Variants in TMEM232 observed in about 807,000 individuals in gnomAD.
TMEM232 encodes the protein transmembrane protein 232.
In TMEM232, 80 loss-of-function variants were observed where a neutral mutation model predicts 78.8. The ratio of observed to expected loss-of-function variants is 1.01; its 90% CI spans 0.85 to 1.22. The LOEUF (loss-of-function observed/expected upper bound fraction) is 1.22. TMEM232 is among the 50% of genes most tolerant of loss of function. The pLI is 0.00. For missense variants in TMEM232, 881 were observed against 742.2 expected (o/e 1.19, Z -2.17); for synonymous variants, 297 against 254.3 (o/e 1.17, Z -1.60).
chr5:110,583,796 T>A (rs1778473381), intron 10 of TMEM232, among the ~76,000 whole-genome samples: 1 of 151,598 alleles, frequency 6.6e-6, no homozygotes, highest in Non-Finnish European at 1.5e-5. Flanking sequence ...AAAATAAAAC[T>A]AATAACTTGA....
intron 3 of TMEM232, among the ~76,000 whole-genome samples, chr5:110,395,668 C>G (rs911624088): frequency 9.9e-5 from 15 of 152,122 alleles, no homozygotes; most frequent in African/African-American, 3.6e-4. Context: ...TTATAGCATT[C>G]TACATCCTGA....
chr5:110,452,450 T>G (rs1411078958), intron 12 of TMEM232, among the ~76,000 whole-genome samples: 2 of 152,160 alleles, frequency 1.3e-5, no homozygotes, highest in Non-Finnish European at 2.9e-5. Flanking sequence ...AACAGGTCGT[T>G]TGTTCTGTGT....
intron 11 of TMEM232, among the ~76,000 whole-genome samples, chr5:110,549,282 G>A (rs1425061203): frequency 6.6e-6 from 1 of 151,962 alleles, no homozygotes; most frequent in East Asian, 1.9e-4. Context: ...ATGAAAAAAA[G>A]AGAGAAAACA....
At chr5:110,426,895 G>T (rs947771312) in intron 12 of TMEM232, among the ~76,000 whole-genome samples, 1 of 151,904 alleles carries the variant, frequency 6.6e-6, no homozygotes, top group African/African-American at 2.4e-5. Context: ...TCATTTTAAG[G>T]TTAAAAGTGT....
At chr5:110,601,697 T>C (rs562648738) in intron 10 of TMEM232, among the ~76,000 whole-genome samples, 1 of 152,276 alleles carries the variant, frequency 6.6e-6, no homozygotes, top group African/African-American at 2.4e-5. Context: ...GCAGAATCAA[T>C]ATCATAAAAA....
chr5:110,694,202 C>T (rs1192863158), intron 1 of TMEM232, among the ~76,000 whole-genome samples: 3 of 152,108 alleles, frequency 2.0e-5, no homozygotes, highest in African/African-American at 7.2e-5. Context: ...TCCAGCCAAA[C>T]TAAGTTTCAT....
chr5:110,426,268 T>C (rs1410908869), intron 12 of TMEM232, among the ~76,000 whole-genome samples: 1 of 152,044 alleles, frequency 6.6e-6, no homozygotes, highest in East Asian at 1.9e-4. Flanking sequence ...TTTACATTTA[T>C]CATGTCCCTG....
intron 1 of TMEM232, among the ~76,000 whole-genome samples, chr5:110,700,472 G>A (rs961525543): frequency 2.6e-5 from 4 of 151,924 alleles, no homozygotes; most frequent in African/African-American, 7.2e-5. Flanking sequence ...CTAAAATCAC[G>A]AACTTACAAC....
intron 1 of TMEM232, among the ~76,000 whole-genome samples, chr5:110,691,008 G>C (rs1469683078): frequency 6.6e-6 from 1 of 151,994 alleles, no homozygotes; most frequent in Non-Finnish European, 1.5e-5. Context: ...AGCAATAGGA[G>C]AAATACCTAA....
intron 10 of TMEM232, among the ~76,000 whole-genome samples, chr5:110,585,267 T>C (rs771359890): frequency 1.3e-5 from 2 of 152,106 alleles, no homozygotes; most frequent in Non-Finnish European, 2.9e-5. Context: ...AGTTTGAACA[T>C]GTACAGGGCT....
chr5:110,508,203 A>AT (rs1269751302), intron 12 of TMEM232, among the ~76,000 whole-genome samples: 2 of 152,142 alleles, frequency 1.3e-5, no homozygotes, highest in Admixed American at 1.3e-4. Flanking sequence ...ATTTAGTGAC[A>AT]TATCACTTCA....
At chr5:110,705,862 T>C in intron 1 of TMEM232, among the ~76,000 whole-genome samples, 1 of 151,606 alleles carries the variant, frequency 6.6e-6, no homozygotes, top group Non-Finnish European at 1.5e-5. Context: ...CCAAAATGTG[T>C]GGAATCCTGA....
intron 10 of TMEM232, among the ~76,000 whole-genome samples, chr5:110,603,442 T>C (rs1350300916): frequency 1.3e-5 from 2 of 152,106 alleles, no homozygotes; most frequent in Non-Finnish European, 2.9e-5. Flanking sequence ...AAGAGGTTTC[T>C]GGGAGTAAAG....
chr5:110,503,977 T>G (rs1390046864), intron 12 of TMEM232, among the ~76,000 whole-genome samples: 2 of 152,194 alleles, frequency 1.3e-5, no homozygotes, highest in Non-Finnish European at 2.9e-5. Flanking sequence ...CTTTCTTCCC[T>G]TTGTGTGTTG....
intron 2 of TMEM232, among the ~76,000 whole-genome samples, chr5:110,398,453 G>C (rs1755473718): frequency 6.6e-6 from 1 of 152,144 alleles, no homozygotes; most frequent in Non-Finnish European, 1.5e-5. Context: ...CTCCAGGTTT[G>C]AGGATAGGAG....
intron 2 of TMEM232, among the ~76,000 whole-genome samples, chr5:110,661,296 G>T: frequency 6.6e-6 from 1 of 152,110 alleles, no homozygotes; most frequent in Admixed American, 6.6e-5. Context: ...AGTAACATGA[G>T]AGGACAGATA....
intron 1 of TMEM232, 23 bp downstream of exon 1, chr5:110,726,604 A>G (rs1304404235): frequency 6.6e-6 from 1 of 152,240 alleles, no homozygotes; most frequent in East Asian, 1.9e-4. Flanking sequence ...AATCATCTGA[A>G]GCAGGACCTC....
At chr5:110,435,602 T>G (rs1758343431) in intron 12 of TMEM232, among the ~76,000 whole-genome samples, 1 of 151,806 alleles carries the variant, frequency 6.6e-6, no homozygotes, top group Non-Finnish European at 1.5e-5. Flanking sequence ...CCCTCCCGAC[T>G]TCCCCTCTAC....
At chr5:110,454,062 T>C (rs1760611823) in intron 12 of TMEM232, among the ~76,000 whole-genome samples, 1 of 152,148 alleles carries the variant, frequency 6.6e-6, no homozygotes, top group South Asian at 2.1e-4. Flanking sequence ...GTAATTATAC[T>C]TGGGTAGTTC....
Sources: allele counts gnomAD v4.1 joint callset (sites outside exome capture counted in the v4.1 genomes callset), GRCh38; gene constraint gnomAD v4.1.1; transcripts MANE v1.5; gene names NCBI Gene and HGNC (gene_info 2026-07-23, HGNC 2026-07-21).